TLN2: variants seen among roughly 807,000 people sequenced by gnomAD.
TLN2 encodes talin 2.
TLN2 carries 118 observed loss-of-function variants against 294.7 expected under a neutral mutation model. The ratio of observed to expected loss-of-function variants is 0.40; its 90% CI spans 0.34 to 0.47. TLN2 has a LOEUF of 0.47. Ranked by LOEUF, TLN2 falls within the 20% of genes least tolerant of loss-of-function variation. TLN2 has a pLI of 0.84. For synonymous variants in TLN2, 1,431 were observed against 1,304.5 expected (o/e 1.10, Z -2.09); for missense variants, 3,083 against 3,282.2 (o/e 0.94, Z 1.48).
chr15:62,732,188 T>C (rs1476106871), intron 28 of TLN2, among the ~76,000 whole-genome samples: 2 of 152,222 alleles, frequency 1.3e-5, no homozygotes, highest in Non-Finnish European at 2.9e-5. Flanking sequence ...CCCGAAATCT[T>C]GCCAGCTGTT....
At chr15:62,475,727 C>T (rs1256038377) in intron 1 of TLN2, among the ~76,000 whole-genome samples, 1 of 152,036 alleles carries the variant, frequency 6.6e-6, no homozygotes, top group Non-Finnish European at 1.5e-5. Flanking sequence ...TTGTTTTTGA[C>T]GAAAACCAGG....
At chr15:62,745,950 G>C (rs1010983931) in intron 32 of TLN2, among the ~76,000 whole-genome samples, 3 of 152,190 alleles carry the variant, frequency 2.0e-5, no homozygotes, top group African/African-American at 7.2e-5. Flanking sequence ...ACGATGCTGT[G>C]CTGGCACTTT....
chr15:62,441,729 A>G (rs921775326), intron 1 of TLN2, among the ~76,000 whole-genome samples: 12 of 152,288 alleles, frequency 7.9e-5, no homozygotes, highest in East Asian at 7.7e-4. Flanking sequence ...CACTGCTGGG[A>G]AAGGGAGAGG....
intron 25 of TLN2, 106 bp from the exon 26 acceptor site, chr15:62,722,247 A>T: frequency 7.8e-7 from 1 of 1,279,914 alleles, no homozygotes; most frequent in Non-Finnish European, 1.0e-6. Flanking sequence ...CCTTTTTTTT[A>T]GGACAAAATC....
intron 1 of TLN2, among the ~76,000 whole-genome samples, chr15:62,481,165 T>C (rs1053688490): frequency 6.6e-6 from 1 of 152,230 alleles, no homozygotes; most frequent in South Asian, 2.1e-4. Context: ...TTAAAAAGCA[T>C]GATTTTTCTA....
chr15:62,802,695 A>G (rs1483564201), intron 50 of TLN2, among the ~76,000 whole-genome samples: 1 of 152,224 alleles, frequency 6.6e-6, no homozygotes, highest in Non-Finnish European at 1.5e-5. Context: ...TCCCACCCAC[A>G]GTGAACAAGG....
chr15:62,424,899 C>T (rs574432547), intron 1 of TLN2, among the ~76,000 whole-genome samples: 43 of 140,376 alleles, frequency 3.1e-4, no homozygotes, highest in Non-Finnish European at 6.0e-4. Flanking sequence ...ATGATCTACT[C>T]ACCTTGGCCT....
At chr15:62,790,098 A>G (rs1197489168) in intron 45 of TLN2, among the ~76,000 whole-genome samples, 2 of 152,226 alleles carry the variant, frequency 1.3e-5, no homozygotes, top group African/African-American at 2.4e-5. Context: ...TTCTTTATGC[A>G]TGTAACAGGA....
intron 9 of TLN2, among the ~76,000 whole-genome samples, chr15:62,664,868 A>AAAAAAAAAAAAAAAAAAAAG (rs2054380263): frequency 6.7e-6 from 1 of 149,172 alleles, no homozygotes; most frequent in Non-Finnish European, 1.5e-5. Context: ...AAAAAAAAAA[A>AAAAAAAAAAAAAAAAAAAAG]AAAAAAAAAA....
chr15:62,448,694 A>C (rs939651768), intron 1 of TLN2, among the ~76,000 whole-genome samples: 11 of 152,240 alleles, frequency 7.2e-5, no homozygotes, highest in African/African-American at 2.7e-4. Context: ...AAATGTTAGA[A>C]ATAAGCTTTG....
At chr15:62,681,890 C>CT (rs1292503317) in intron 11 of TLN2, among the ~76,000 whole-genome samples, 1 of 152,142 alleles carries the variant, frequency 6.6e-6, no homozygotes, top group African/African-American at 2.4e-5. Context: ...GTAACTGAGA[C>CT]TACAGGCACG....
chr15:62,757,323 G>A (rs1429349968), intron 37 of TLN2, among the ~76,000 whole-genome samples: 2 of 152,210 alleles, frequency 1.3e-5, no homozygotes, highest in Non-Finnish European at 2.9e-5. Flanking sequence ...ACCTTGCTGT[G>A]TTTGCAGGGC....
At chr15:62,497,425 A>T (rs1360455540) in intron 1 of TLN2, among the ~76,000 whole-genome samples, 1 of 152,156 alleles carries the variant, frequency 6.6e-6, no homozygotes, top group Non-Finnish European at 1.5e-5. Flanking sequence ...TCTCTGGGTG[A>T]TTTGTTTCCC....
At chr15:62,594,912 G>T (rs370255769) in intron 2 of TLN2, among the ~76,000 whole-genome samples, 2 of 152,200 alleles carry the variant, frequency 1.3e-5, no homozygotes, top group East Asian at 1.9e-4. Context: ...CTGATAAGGG[G>T]TTACTATGCA....
chr15:62,768,722 A>C (rs1474114332), intron 41 of TLN2, among the ~76,000 whole-genome samples: 1 of 152,230 alleles, frequency 6.6e-6, no homozygotes, highest in Non-Finnish European at 1.5e-5. Flanking sequence ...AATGGTGTTA[A>C]AGTACTTGCT....
At chr15:62,484,586 C>T (rs1046553267) in intron 1 of TLN2, among the ~76,000 whole-genome samples, 2 of 152,040 alleles carry the variant, frequency 1.3e-5, no homozygotes, top group South Asian at 2.1e-4. Flanking sequence ...CCACCACGCC[C>T]GGCTAATTTT....
chr15:62,631,479 TTTTC>T lies in TLN2; in HGVS notation c.-37+13019_-37+13022del, dbSNP rs370882260. ...CTCTTTCTTTCTCTCTCTCTTCCTC[TTTTC>T]TTTCTTTCTTTCTTCCTCTTTTCTT... is the stretch of plus-strand genomic sequence containing the variant. On this transcript the variant is annotated intron_variant, in intron 3 of 58. Coordinates refer to ENST00000636159, the MANE Select transcript of TLN2 (RefSeq NM_015059.3). 1.5e-3 allele frequency among the ~76,000 whole-genome samples: 220 copies of T among 151,474 alleles called. 1 individual carries two copies. Among genetic ancestry groups the T allele is most frequent in the African/African-American group, 3.9e-3 (160 of 41,308 alleles).
At chr15:62,466,797 G>A (rs1389374028) in intron 1 of TLN2, among the ~76,000 whole-genome samples, 2 of 152,186 alleles carry the variant, frequency 1.3e-5, no homozygotes, top group African/African-American at 4.8e-5. Flanking sequence ...AAGGAGATTT[G>A]ATTTTGGTTT....
At chr15:62,517,515 T>C (rs2040243814) in intron 1 of TLN2, among the ~76,000 whole-genome samples, 1 of 152,180 alleles carries the variant, frequency 6.6e-6, no homozygotes, top group Non-Finnish European at 1.5e-5. Context: ...TGGAGAAAAA[T>C]GAGGTGGTGA....
Sources: gnomAD v4.1 joint callset for allele counts (sites outside exome capture counted in the v4.1 genomes callset) on GRCh38, gnomAD v4.1.1 for gene constraint, MANE v1.5 for transcripts, NCBI Gene and HGNC (gene_info 2026-07-23, HGNC 2026-07-21) for gene names.